Variants in AHRR observed in about 807,000 individuals in gnomAD.
The protein encoded by AHRR is aryl hydrocarbon receptor repressor.
Under a neutral mutation model 44.0 loss-of-function variants are expected in AHRR, and 28 were observed. That is an observed-to-expected ratio of 0.64 (90% CI 0.47 to 0.87). The LOEUF (loss-of-function observed/expected upper bound fraction) is 0.87. AHRR is among the 40% of genes least tolerant of loss of function. The pLI is 0.00. For missense variants in AHRR, 990 were observed against 953.9 expected, an observed-to-expected ratio of 1.04 and a Z score of -0.50; for synonymous variants, 434 against 407.0, an observed-to-expected ratio of 1.07 and a Z score of -0.80.
At chr5:420,751 G>A (rs1400424808) in intron 5 of AHRR, among the ~76,000 whole-genome samples, 1 of 142,672 alleles carries the variant, frequency 7.0e-6, no homozygotes, top group Non-Finnish European at 1.5e-5. Context: ...GCAGCTGGAC[G>A]GCTCAGTGGG....
At chr5:363,385 C>T (rs1482432720) in intron 3 of AHRR, among the ~76,000 whole-genome samples, 2 of 152,172 alleles carry the variant, frequency 1.3e-5, no homozygotes, top group South Asian at 2.1e-4. Context: ...GAGGTGTATC[C>T]TCTCCAGCTG....
At position 395,523 on chromosome 5, in the gene AHRR, C is replaced by T. The variant is rs1263933059; in HGVS notation, c.352-17821C>T. 6.6e-6 allele frequency among the ~76,000 whole-genome samples: 1 copy of T among 152,238 alleles called. No individual in the cohort carries two copies. Among genetic ancestry groups the T allele is most frequent in the African/African-American group, 2.4e-5 (1 of 41,464 alleles). On this transcript the variant is annotated intron_variant, in intron 4 of 10. Transcript: ENST00000684583. This position sits in a 1 kb window ranked among gnomAD's most constrained non-coding sequence, Gnocchi z 5.3. ...ACTGCAGGCCAGGTCATCAGAAGCG[C>T]CTGCTCCAGCTCCCACCCTGCCTGT...
At chr5:354,300 TG>T (rs1419401639) in intron 3 of AHRR, among the ~76,000 whole-genome samples, 1 of 152,198 alleles carries the variant, frequency 6.6e-6, no homozygotes, top group Non-Finnish European at 1.5e-5. Context: ...CTCCAGGGAA[TG>T]AGGGATCGGC....
intron 4 of AHRR, among the ~76,000 whole-genome samples, chr5:385,054 G>A (rs147473856): frequency 3.8e-4 from 58 of 152,312 alleles, no homozygotes; most frequent in African/African-American, 1.3e-3. Context: ...TGAGGCAGGA[G>A]AATTGCTTGT....
intron 1 of AHRR, 72 bp from the exon 2 acceptor site, chr5:343,821 G>A (rs1450306370): frequency 1.3e-6 from 2 of 1,497,262 alleles, no homozygotes; most frequent in East Asian, 2.6e-5. Context: ...GCGCTGAGGG[G>A]CCCGGGGCAT....
chr5:434,222 G>A lies in AHRR; in HGVS notation c.1482G>A (p.Gln494=). The A allele has an allele frequency of 6.3e-7, 1 of 1,590,738 alleles. No homozygotes were observed. The highest frequency in any genetic ancestry group is 1.2e-5 in the South Asian group (1 of 86,458). ...PQRSLQHQLP[Q]PGAQRFATRG... ...GGAGCCTGCAGCACCAGCTCCCTCA[G>A]CCTGGAGCTCAGCGTTTTGCCACGA... The change falls in exon 11 of 11, where the codon CAG becomes CAA. Residue 494 remains glutamine (Q), a synonymous_variant. Transcript: ENST00000684583.
At chr5:331,031 C>T (rs925072014) in intron 1 of AHRR, among the ~76,000 whole-genome samples, 1 of 151,840 alleles carries the variant, frequency 6.6e-6, no homozygotes. Flanking sequence ...CGCGTGCCAC[C>T]ATGCCCAGCT....
At chr5:343,429 CG>C (rs1560883221) in intron 1 of AHRR, 1 of 184,802 alleles carries the variant, frequency 5.4e-6, no homozygotes, top group African/African-American at 2.4e-5. Flanking sequence ...CATACCTTCT[CG>C]GGGGTGACGG....
chr5:423,767 G>A, intron 6 of AHRR, 74 bp from the exon 7 acceptor site: 1 of 1,518,492 alleles, frequency 6.6e-7, no homozygotes, highest in Non-Finnish European at 8.8e-7. Flanking sequence ...GAGAGCCGTG[G>A]GCGTGGTTGT....
In AHRR at chr5:341,690, T is replaced by A. The variant is rs1742355933; in HGVS notation, c.-10-2203T>A. On this transcript the variant is annotated intron_variant, in intron 1 of 10. Transcript: ENST00000684583. The stretch of plus-strand genomic sequence containing the variant: ...GCATGAGCCACCACGCCCTGCCAAT[T>A]TTTCTTTATTTTTATGTTTTATCTC... Among the ~76,000 whole-genome samples, 5 of 152,018 alleles carry A rather than the reference T, an allele frequency of 3.3e-5. No homozygotes were observed. In the South Asian group the frequency reaches 1.0e-3, roughly 31 times the overall value.
At chr5:360,295 A>G (rs1387726985) in intron 3 of AHRR, among the ~76,000 whole-genome samples, 1 of 152,212 alleles carries the variant, frequency 6.6e-6, no homozygotes, top group Non-Finnish European at 1.5e-5. Flanking sequence ...CCAGAGCCAA[A>G]TCAGCTGCAC....
chr5:402,436 C>A (rs898246917), intron 4 of AHRR, among the ~76,000 whole-genome samples: 1 of 128,016 alleles, frequency 7.8e-6, no homozygotes, highest in East Asian at 2.1e-4. Flanking sequence ...AGAAGGGGAC[C>A]CTCGTGCACT....
chr5:400,640 A>G (rs1319622912), intron 4 of AHRR, among the ~76,000 whole-genome samples: 2 of 152,186 alleles, frequency 1.3e-5, no homozygotes, highest in Non-Finnish European at 2.9e-5. Flanking sequence ...TATTTGAAAG[A>G]TGGGCCCACA....
chr5:413,461 T>A (rs527898761), intron 5 of AHRR, 28 bp downstream of exon 5: 2 of 1,493,506 alleles, frequency 1.3e-6, no homozygotes, highest in East Asian at 2.3e-5. Flanking sequence ...AGCCCTCCAG[T>A]CTGTTAAGTG....
At chr5:335,801 G>T (rs1315912780) in intron 1 of AHRR, among the ~76,000 whole-genome samples, 1 of 152,248 alleles carries the variant, frequency 6.6e-6, no homozygotes, top group Non-Finnish European at 1.5e-5. Flanking sequence ...GTTTGTGCCT[G>T]GCCCGCAACT....
At chr5:426,330 T>TGATG (rs142659908) in intron 7 of AHRR, among the ~76,000 whole-genome samples, 51 of 143,422 alleles carry the variant, frequency 3.6e-4, no homozygotes, top group Non-Finnish European at 5.3e-4. Context: ...GATAGGAAGA[T>TGATG]GATGGATGGA....
At chr5:397,313 C>A (rs1332820210) in intron 4 of AHRR, among the ~76,000 whole-genome samples, 16 of 105,604 alleles carry the variant, frequency 1.5e-4, no homozygotes, top group African/African-American at 4.1e-4. Context: ...CTGACCATCC[C>A]TGTTAGCCCC....
At chr5:336,223 G>A (rs1012172145) in intron 1 of AHRR, among the ~76,000 whole-genome samples, 2 of 152,164 alleles carry the variant, frequency 1.3e-5, no homozygotes, top group African/African-American at 2.4e-5. Context: ...AGTGGACTGC[G>A]GGAAGACCCA....
intron 3 of AHRR, chr5:367,806 AGGACAGGGGTT>A: frequency 1.4e-6 from 1 of 702,040 alleles, no homozygotes; most frequent in South Asian, 1.5e-5. Flanking sequence ...TTGTATGCCC[AGGACAGGGGTT>A]GGCAGTGGCA....
Sources: gnomAD v4.1 joint callset for allele counts (sites outside exome capture counted in the v4.1 genomes callset) on GRCh38, gnomAD v4.1.1 for gene constraint, Gnocchi (gnomAD v3.1) non-coding constraint, MANE v1.5 for transcripts, NCBI Gene and HGNC (gene_info 2026-07-23, HGNC 2026-07-21) for gene names.